Variants in CHD9 observed in about 807,000 individuals in gnomAD.
CHD9 encodes the protein ATP-dependent chromatin remodeler CHD9.
In CHD9, 77 loss-of-function variants were observed where a neutral mutation model predicts 316.1. The observed-to-expected ratio is 0.24, with a 90% CI of 0.20 to 0.29. The LOEUF is 0.29. CHD9 is among the 10% of genes least tolerant of loss of function. The pLI, the probability that CHD9 is intolerant of heterozygous loss-of-function variation, is 1.00. For synonymous variants in CHD9, 1,129 were observed against 1,158.3 expected (o/e 0.97, Z 0.51); for missense variants, 2,763 against 3,438.1 (o/e 0.80, Z 4.91).
chr16:53,101,084 C>A (rs2036833935), intron 1 of CHD9, among the ~76,000 whole-genome samples: 1 of 152,114 alleles, frequency 6.6e-6, no homozygotes, highest in Non-Finnish European at 1.5e-5. Flanking sequence ...AAAGCTGTAG[C>A]CTCTGGCTAC....
intron 12 of CHD9, among the ~76,000 whole-genome samples, chr16:53,241,064 A>G (rs1469674698): frequency 6.6e-6 from 1 of 152,188 alleles, no homozygotes; most frequent in East Asian, 1.9e-4. Context: ...CTATTTTAAT[A>G]ATATTCTACT....
intron 1 of CHD9, among the ~76,000 whole-genome samples, chr16:53,108,106 A>G (rs866569116): frequency 2.6e-5 from 4 of 152,174 alleles, no homozygotes; most frequent in Non-Finnish European, 5.9e-5. Context: ...TGAGGGTAAG[A>G]CCTTTTTATC....
intron 32 of CHD9, among the ~76,000 whole-genome samples, chr16:53,307,273 G>T (rs1472118056): frequency 2.0e-5 from 3 of 151,980 alleles, no homozygotes; most frequent in Non-Finnish European, 4.4e-5. Flanking sequence ...TTTTTTGTCT[G>T]TTTGTTTGTT....
intron 29 of CHD9, among the ~76,000 whole-genome samples, chr16:53,293,470 GC>G (rs2054524957): frequency 1.3e-5 from 2 of 151,836 alleles, no homozygotes; most frequent in Non-Finnish European, 2.9e-5. Context: ...GCAAAAATTA[GC>G]CAGGTGTGGT....
intron 1 of CHD9, among the ~76,000 whole-genome samples, chr16:53,123,516 T>A (rs969292522): frequency 1.3e-5 from 2 of 152,140 alleles, no homozygotes; most frequent in South Asian, 4.1e-4. Flanking sequence ...TATTATTATT[T>A]TGAGACAAGC....
chr16:53,205,826 T>C (rs894721938), intron 2 of CHD9, among the ~76,000 whole-genome samples: 8 of 152,200 alleles, frequency 5.3e-5, no homozygotes, highest in Admixed American at 3.3e-4. Context: ...CCCTGACTTC[T>C]CTCTCTGATG....
At chr16:53,274,851 G>A (rs2052648012) in intron 24 of CHD9, among the ~76,000 whole-genome samples, 1 of 152,054 alleles carries the variant, frequency 6.6e-6, no homozygotes, top group Non-Finnish European at 1.5e-5. Flanking sequence ...AAACTTATAA[G>A]GTAGAAAATC....
chr16:53,286,121 C>A, intron 25 of CHD9, 105 bp from the exon 26 acceptor site: 5 of 579,610 alleles, frequency 8.6e-6, no homozygotes, highest in Non-Finnish European at 6.1e-6. Context: ...ATGTATTATC[C>A]CTTTAGTCCA....
At position 53,303,725 on chromosome 16, in the gene CHD9, G is replaced by A; in HGVS notation, c.5719G>A (p.Val1907Met). 1 of 1,591,270 alleles carries A rather than the reference G, an allele frequency of 6.3e-7. No homozygotes were observed. Among genetic ancestry groups the A allele is most frequent in the East Asian group, 2.2e-5 (1 of 44,490 alleles). Residue 1907 changes from valine to methionine, a missense_variant, in exon 31 of 39, where the codon GTG becomes ATG. Physicochemically the swap from Val to Met is conservative, Grantham distance 21. Around this residue, in one of 15 missense-constraint regions of CHD9, gnomAD observed 663 missense variants for 751.2 expected, o/e 0.88. Transcript: ENST00000447540. ...VCRLPSKEEL[V>M]DPNIFIQPIT... ...GTCCTTGTTTCAATATGTAGAATTG[G>A]TGGATCCAAATATTTTTATCCAGCC...
intron 19 of CHD9, among the ~76,000 whole-genome samples, chr16:53,256,348 T>C (rs2050587625): frequency 6.6e-6 from 1 of 151,664 alleles, no homozygotes; most frequent in South Asian, 2.1e-4. Flanking sequence ...TTTGTAAAGT[T>C]TACTAATTGC....
intron 17 of CHD9, among the ~76,000 whole-genome samples, chr16:53,253,430 T>C (rs950687937): frequency 6.6e-6 from 1 of 152,086 alleles, no homozygotes; most frequent in Admixed American, 6.6e-5. Context: ...TGATGGACTT[T>C]GGGGACTTGG....
At chr16:53,198,109 C>G (rs1447760610) in intron 2 of CHD9, among the ~76,000 whole-genome samples, 1 of 151,976 alleles carries the variant, frequency 6.6e-6, no homozygotes, top group African/African-American at 2.4e-5. Context: ...ATCTTTAGAG[C>G]CTTCCAAAAG....
Position 53,157,053 on chromosome 16 carries a change from A to C in CHD9, c.964A>C (p.Thr322Pro). 1 of 1,613,190 alleles carries C rather than the reference A, an allele frequency of 6.2e-7. No individual in the cohort carries two copies. The highest frequency in any genetic ancestry group is 1.1e-5 in the South Asian group (1 of 91,066). Residue 322 changes from threonine (T) to proline (P), a missense_variant, in exon 2 of 39, where the codon ACT (threonine) becomes CCT (proline). Coordinates refer to ENST00000447540, the MANE Select transcript of CHD9 (RefSeq NM_001308319.2). ...SPHRGIKQES[T>P]QHILNPNTSL... ...TCATAGAGGAATCAAGCAAGAATCTACTCAGCATATCCTAAACCCCAATAC... is the reference window on the plus strand; with the variant it reads ...TCATAGAGGAATCAAGCAAGAATCTCCTCAGCATATCCTAAACCCCAATAC...
intron 23 of CHD9, 75 bp from the exon 24 acceptor site, chr16:53,274,138 A>C (rs2052562444): frequency 1.1e-6 from 1 of 888,512 alleles, no homozygotes; most frequent in Admixed American, 2.1e-5. Flanking sequence ...ATTCCTTCCT[A>C]ATTTTAACCC....
intron 3 of CHD9, among the ~76,000 whole-genome samples, chr16:53,220,426 A>G (rs1180848482): frequency 6.6e-6 from 1 of 152,166 alleles, no homozygotes. Flanking sequence ...ACAATAAAAA[A>G]TTATATCTTT....
chr16:53,081,765 AT>A (rs34447637), intron 1 of CHD9, among the ~76,000 whole-genome samples: 55,776 of 151,202 alleles, frequency 0.37, 11,932 homozygotes, highest in African/African-American at 0.59. Flanking sequence ...TTAAAAAAAA[AT>A]TTTTTTTTGT....
intron 24 of CHD9, among the ~76,000 whole-genome samples, chr16:53,285,297 C>G (rs1156290633): frequency 6.6e-6 from 1 of 152,072 alleles, no homozygotes; most frequent in Non-Finnish European, 1.5e-5. Context: ...TCCAATAGAA[C>G]CCTTTGTCTC....
chr16:53,279,122 G>A (rs1389607760), intron 24 of CHD9, among the ~76,000 whole-genome samples: 1 of 152,088 alleles, frequency 6.6e-6, no homozygotes, highest in African/African-American at 2.4e-5. Flanking sequence ...ATGTCCATCA[G>A]TGATAGATTG....
chr16:53,209,172 T>C (rs1045222344), intron 2 of CHD9, among the ~76,000 whole-genome samples: 50 of 152,240 alleles, frequency 3.3e-4, no homozygotes, highest in African/African-American at 1.2e-3. Flanking sequence ...CACAGAATAT[T>C]TATGGGATAA....
Sources: allele counts gnomAD v4.1 joint callset (sites outside exome capture counted in the v4.1 genomes callset), GRCh38; gene constraint gnomAD v4.1.1; regional missense constraint gnomAD v4.1.1; transcripts MANE v1.5; gene names NCBI Gene and HGNC (gene_info 2026-07-23, HGNC 2026-07-21).